FABP6: variants seen among roughly 807,000 people sequenced by gnomAD.
FABP6 encodes the protein gastrotropin.
Under a neutral mutation model 14.9 loss-of-function variants are expected in FABP6, and 13 were observed. That is an observed-to-expected ratio of 0.87 (90% confidence interval 0.57 to 1.39). The LOEUF (loss-of-function observed/expected upper bound fraction) is 1.39. FABP6 is among the 40% of genes most tolerant of loss of function. FABP6 has a pLI of 0.00. For missense variants in FABP6, 161 were observed against 167.2 expected (o/e 0.96, Z 0.20); for synonymous variants, 75 against 63.6 (o/e 1.18, Z -0.85).
At chr5:160,229,309 C>T, upstream of FABP6, 1 of 738,368 alleles carries the variant, frequency 1.4e-6, no homozygotes, top group Non-Finnish European at 2.0e-6. Flanking sequence ...CGTTGCCATC[C>T]TGACCCTGCT....
intron 1 of FABP6, among the ~76,000 whole-genome samples, chr5:160,192,314 A>G (rs1190878887): frequency 4.7e-5 from 6 of 127,596 alleles, no homozygotes; most frequent in Non-Finnish European, 3.3e-5. Context: ...GGCTCATACC[A>G]CTGTGCCCGG....
chr5:160,200,472 G>A (rs540612351), intron 2 of FABP6, among the ~76,000 whole-genome samples: 14 of 150,750 alleles, frequency 9.3e-5, no homozygotes, highest in Non-Finnish European at 1.3e-4. Flanking sequence ...GAGTGCAATG[G>A]CACGATCTTG....
At chr5:160,213,758 C>T in exon 3 of FABP6, 2 of 1,613,706 alleles carry the variant, frequency 1.2e-6, no homozygotes, top group Non-Finnish European at 1.7e-6. Flanking sequence ...GTGTTGTCTG[C>T]GTGCACATGG....
intron 2 of FABP6, among the ~76,000 whole-genome samples, chr5:160,233,335 C>A (rs1346924238): frequency 6.6e-6 from 1 of 151,974 alleles, no homozygotes; most frequent in Non-Finnish European, 1.5e-5. Flanking sequence ...AGACACTGGG[C>A]CCTGGAGTGA....
At chr5:160,205,719 A>G (rs151149475) in intron 2 of FABP6, among the ~76,000 whole-genome samples, 28 of 152,334 alleles carry the variant, frequency 1.8e-4, no homozygotes, top group African/African-American at 6.0e-4. Context: ...TCAGAAGTGA[A>G]GACTCATTTA....
intron 3 of FABP6, among the ~76,000 whole-genome samples, chr5:160,236,514 A>C (rs533850696): frequency 2.0e-4 from 31 of 152,272 alleles, no homozygotes; most frequent in Middle Eastern, 3.4e-3. Flanking sequence ...CTTATTTTAC[A>C]GAGCAGCATT....
chr5:160,206,504 A>G (rs1164107325), intron 2 of FABP6, among the ~76,000 whole-genome samples: 1 of 152,224 alleles, frequency 6.6e-6, no homozygotes, highest in Non-Finnish European at 1.5e-5. Flanking sequence ...ATATACACAG[A>G]GAAAAGTATA....
intron 1 of FABP6, among the ~76,000 whole-genome samples, chr5:160,231,177 C>T (rs532856166): frequency 1.4e-4 from 21 of 152,240 alleles, no homozygotes; most frequent in African/African-American, 4.8e-4. Flanking sequence ...CTTGAGGAGT[C>T]GAGAGTCCCT....
intron 3 of FABP6, among the ~76,000 whole-genome samples, chr5:160,216,621 G>A (rs2113113147): frequency 6.6e-6 from 1 of 152,288 alleles, no homozygotes; most frequent in Admixed American, 6.5e-5. Flanking sequence ...CAGACAGCCA[G>A]CAGGATGCAT....
chr5:160,223,571 G>A (rs1031325040), intron 3 of FABP6, among the ~76,000 whole-genome samples: 2 of 151,640 alleles, frequency 1.3e-5, no homozygotes, highest in Admixed American at 6.6e-5. Flanking sequence ...ACAGGCACAC[G>A]CCACCACACT....
chr5:160,211,983 C>CTTT (rs70990712), intron 2 of FABP6, among the ~76,000 whole-genome samples: 10 of 102,982 alleles, frequency 9.7e-5, no homozygotes, highest in African/African-American at 2.6e-4. Context: ...TATGCAAGTT[C>CTTT]TTTTTTTTTT....
At chr5:160,219,872 C>A (rs1189621385) in intron 3 of FABP6, among the ~76,000 whole-genome samples, 1 of 152,144 alleles carries the variant, frequency 6.6e-6, no homozygotes, top group Non-Finnish European at 1.5e-5. Context: ...CCAGACCTAC[C>A]AAACCAGAAT....
intron 1 of FABP6, among the ~76,000 whole-genome samples, chr5:160,191,946 C>T (rs1759402844): frequency 6.6e-6 from 1 of 151,652 alleles, no homozygotes; most frequent in African/African-American, 2.4e-5. Flanking sequence ...TGCACTCCAG[C>T]CTGGGTGACA....
intron 1 of FABP6, among the ~76,000 whole-genome samples, chr5:160,191,222 T>C (rs1759386765): frequency 1.3e-5 from 2 of 152,116 alleles, no homozygotes; most frequent in African/African-American, 4.8e-5. Flanking sequence ...TCCTAGCACT[T>C]TGAGAGGCCA....
chr5:160,197,445 A>G (rs1243348175), intron 1 of FABP6: 1 of 152,266 alleles, frequency 6.6e-6, no homozygotes. Flanking sequence ...TTGGGTGAAT[A>G]ATACTATGTA....
upstream of FABP6, among the ~76,000 whole-genome samples, chr5:160,228,978 G>A (rs1053140963): frequency 4.6e-5 from 7 of 152,090 alleles, no homozygotes; most frequent in Admixed American, 6.6e-5. Context: ...CTAGCCCTGC[G>A]CTGGACACCA....
At chr5:160,234,747 C>A in intron 2 of FABP6, 73 bp from the exon 3 acceptor site, 3 of 1,224,750 alleles carry the variant, frequency 2.4e-6, no homozygotes, top group Non-Finnish European at 3.4e-6. Flanking sequence ...CTTCTTACTG[C>A]CCGCGCCACC....
chr5:160,199,229 C>A, intron 2 of FABP6: 2 of 1,499,506 alleles, frequency 1.3e-6, no homozygotes, highest in Non-Finnish European at 1.9e-6. Context: ...GTGGGGAGAA[C>A]ACCTTGGGTG....
intron 2 of FABP6, among the ~76,000 whole-genome samples, chr5:160,200,031 C>T (rs1283693067): frequency 6.6e-6 from 1 of 152,220 alleles, no homozygotes; most frequent in Non-Finnish European, 1.5e-5. Flanking sequence ...CAGAGTCTGG[C>T]TGCCTTATCT....
Sources: allele counts gnomAD v4.1 joint callset (sites outside exome capture counted in the v4.1 genomes callset), GRCh38; gene constraint gnomAD v4.1.1; transcripts MANE v1.5; gene names NCBI Gene and HGNC (gene_info 2026-07-23, HGNC 2026-07-21).